Variants in CDH9 observed in about 807,000 individuals in gnomAD.
CDH9 encodes the protein cadherin 9.
In CDH9, 28 loss-of-function variants were observed where a neutral mutation model predicts 70.9. The ratio of observed to expected loss-of-function variants is 0.40; its 90% CI spans 0.29 to 0.54. The LOEUF (loss-of-function observed/expected upper bound fraction) is 0.54, where lower values mean the gene tolerates loss of function less well. CDH9 is among the 20% of genes least tolerant of loss of function. The pLI is 0.59. For synonymous variants in CDH9, 409 were observed against 343.1 expected (o/e 1.19, Z -2.12); for missense variants, 874 against 984.4 (o/e 0.89, Z 1.50).
intron 7 of CDH9, among the ~76,000 whole-genome samples, chr5:26,901,827 T>C (rs1740859257): frequency 6.6e-6 from 1 of 151,864 alleles, no homozygotes; most frequent in Non-Finnish European, 1.5e-5. Flanking sequence ...CTATTCAAAA[T>C]TTGGAAAGAT....
chr5:26,982,180 A>C (rs1285178020), intron 2 of CDH9, among the ~76,000 whole-genome samples: 5 of 145,530 alleles, frequency 3.4e-5, no homozygotes, highest in Non-Finnish European at 3.0e-5. Context: ...GGATTTGATC[A>C]TGTGCAAGTT....
chr5:26,907,871 T>C (rs945073106), intron 3 of CDH9, among the ~76,000 whole-genome samples: 19 of 152,262 alleles, frequency 1.2e-4, no homozygotes, highest in African/African-American at 4.6e-4. Context: ...GAATTCCATA[T>C]TGGCCCTACC....
intron 2 of CDH9, among the ~76,000 whole-genome samples, chr5:26,953,218 A>G (rs1741884283): frequency 6.6e-6 from 1 of 152,292 alleles, no homozygotes; most frequent in South Asian, 2.1e-4. Flanking sequence ...TGACACATAC[A>G]GATTATACTC....
chr5:27,008,463 C>A (rs1742904333), intron 1 of CDH9, among the ~76,000 whole-genome samples: 1 of 149,960 alleles, frequency 6.7e-6, no homozygotes, highest in African/African-American at 2.5e-5. Context: ...GCACTCCAGC[C>A]TGGGCAACGG....
At chr5:26,904,212 T>A (rs527455306) in intron 5 of CDH9, among the ~76,000 whole-genome samples, 5 of 152,148 alleles carry the variant, frequency 3.3e-5, no homozygotes, top group Non-Finnish European at 7.4e-5. Flanking sequence ...TTATTTTTTT[T>A]AAAATGCATT....
chr5:26,940,379 A>C (rs1388146465), intron 2 of CDH9, among the ~76,000 whole-genome samples: 1 of 152,162 alleles, frequency 6.6e-6, no homozygotes, highest in Non-Finnish European at 1.5e-5. Context: ...AGCAGTTAAA[A>C]AGGAGCTATC....
Position 26,881,605 on chromosome 5 carries a change from G to A in CDH9, c.1901C>T (p.Ala634Val), listed in dbSNP as rs770288209. The change falls in exon 12 of 12, where the codon GCT becomes GTT. Residue 634 changes from alanine to valine, a missense_variant. Coordinates refer to ENST00000231021, the MANE Select transcript of CDH9 (RefSeq NM_016279.4). ...LILLILVVLF[A>V]ALKRQRKKEP... Reference sequence around the variant, plus strand: ...CTTTTTTCTTTGCCTCTTCAATGCAGCAAACAACACGACTAAAACTATTAA... The same window carrying A: ...CTTTTTTCTTTGCCTCTTCAATGCAACAAACAACACGACTAAAACTATTAA... 1.9e-6 allele frequency: 3 copies of A among 1,609,238 alleles called. No individual in the cohort carries two copies. The highest frequency in any genetic ancestry group is 4.5e-5 in the East Asian group (2 of 44,834).
chr5:26,960,377 A>C (rs996080079), intron 2 of CDH9, among the ~76,000 whole-genome samples: 1 of 152,066 alleles, frequency 6.6e-6, no homozygotes, highest in Non-Finnish European at 1.5e-5. Context: ...AGGTTTAGAC[A>C]ACATAAAACT....
At chr5:26,903,871 A>G (rs759754699) in intron 5 of CDH9, 47 bp from the exon 6 acceptor site, 2 of 1,005,142 alleles carry the variant, frequency 2.0e-6, no homozygotes, top group Non-Finnish European at 3.0e-6. Flanking sequence ...TTTATATAAC[A>G]TTTTTTCATT....
chr5:26,912,829 T>C (rs1329797865), intron 3 of CDH9, among the ~76,000 whole-genome samples: 1 of 152,142 alleles, frequency 6.6e-6, no homozygotes, highest in Non-Finnish European at 1.5e-5. Flanking sequence ...ACAATTCCCA[T>C]GTGTCACGGG....
chr5:27,023,719 A>G (rs1457072842), intron 1 of CDH9, among the ~76,000 whole-genome samples: 1 of 152,054 alleles, frequency 6.6e-6, no homozygotes, highest in African/African-American at 2.4e-5. Context: ...TATATCCAAC[A>G]GAGATAAAAT....
At chr5:26,971,803 T>G (rs2112073896) in intron 2 of CDH9, among the ~76,000 whole-genome samples, 1 of 152,070 alleles carries the variant, frequency 6.6e-6, no homozygotes, top group Middle Eastern at 3.4e-3. Context: ...TAAGAAAATA[T>G]AAAAACACTA....
intron 2 of CDH9, among the ~76,000 whole-genome samples, chr5:26,925,212 T>C (rs1246004837): frequency 6.6e-6 from 1 of 152,156 alleles, no homozygotes; most frequent in East Asian, 1.9e-4. Flanking sequence ...CTCCAGCATC[T>C]CTTGTTTCCT....
At chr5:26,893,829 A>T (rs940970595) in intron 7 of CDH9, among the ~76,000 whole-genome samples, 1 of 152,124 alleles carries the variant, frequency 6.6e-6, no homozygotes, top group African/African-American at 2.4e-5. Flanking sequence ...TCATACTGAA[A>T]TTTTTCTTTT....
At chr5:27,009,786 G>C (rs1200493101) in intron 1 of CDH9, among the ~76,000 whole-genome samples, 1 of 152,054 alleles carries the variant, frequency 6.6e-6, no homozygotes, top group African/African-American at 2.4e-5. Flanking sequence ...TTATCTATTT[G>C]ACTCCAGTCA....
chr5:26,999,676 T>C (rs1020599781), intron 1 of CDH9, among the ~76,000 whole-genome samples: 7 of 152,294 alleles, frequency 4.6e-5, no homozygotes, highest in Middle Eastern at 3.4e-3. Context: ...GGCATCCATA[T>C]GCAAAAAAAT....
chr5:26,920,931 T>C (rs1741233495), intron 2 of CDH9, among the ~76,000 whole-genome samples: 1 of 152,152 alleles, frequency 6.6e-6, no homozygotes, highest in South Asian at 2.1e-4. Flanking sequence ...CTACAATAAA[T>C]ATCAAACTCT....
At position 26,902,595 on chromosome 5, in the gene CDH9, A is replaced by C; in HGVS notation, c.1134T>G (p.Asp378Glu). ...AVVKISVEDI[D>E]EPPVFTKVSY... ...AGACTTTAGTGAACACAGGAGGCTC[A>C]TCTATATCTTCCACAGATATTTTGA... is the stretch of plus-strand genomic sequence containing the variant. The change falls in exon 7 of 12, where the codon GAT (aspartate) becomes GAG (glutamate). Residue 378 changes from aspartate to glutamate, a missense_variant. Asp to Glu is a conservative substitution (Grantham distance 45, BLOSUM62 2). Transcript: ENST00000231021. 6.2e-7 allele frequency: 1 copy of C among 1,602,376 alleles called. No homozygotes were observed. The highest frequency in any genetic ancestry group is 8.5e-7 in the Non-Finnish European group (1 of 1,169,670).
chr5:27,023,945 G>A (rs1369217302), intron 1 of CDH9, among the ~76,000 whole-genome samples: 3 of 151,862 alleles, frequency 2.0e-5, no homozygotes, highest in Admixed American at 6.6e-5. Flanking sequence ...GCATCTACTC[G>A]GGAGGCTGAG....
Sources: allele counts gnomAD v4.1 joint callset (sites outside exome capture counted in the v4.1 genomes callset), GRCh38; gene constraint gnomAD v4.1.1; transcripts MANE v1.5; gene names NCBI Gene and HGNC (gene_info 2026-07-23, HGNC 2026-07-21).